CEP112: variants seen among roughly 807,000 people sequenced by gnomAD.
CEP112 encodes centrosomal protein 112, also known as centrosomal protein of 112 kDa.
Under a neutral mutation model 153.0 loss-of-function variants are expected in CEP112, and 127 were observed. That is an observed-to-expected ratio of 0.83 (90% CI 0.72 to 0.96). The LOEUF (loss-of-function observed/expected upper bound fraction) is 0.96, where lower values mean the gene tolerates loss of function less well. CEP112 is among the 40% of genes least tolerant of loss of function. The pLI, the probability that CEP112 is intolerant of heterozygous loss-of-function variation, is 0.00. For synonymous variants in CEP112, 358 were observed against 374.4 expected, an observed-to-expected ratio of 0.96 and a Z score of 0.51; for missense variants, 1,089 against 1,101.2, an observed-to-expected ratio of 0.99 and a Z score of 0.16.
At position 65,811,537 on chromosome 17, in the gene CEP112, A is replaced by G. The variant is rs183559581; in HGVS notation, c.2394+40267T>C. 3.9e-5 allele frequency among the ~76,000 whole-genome samples: 6 copies of G among 152,308 alleles called. No homozygotes were observed. In the East Asian group the frequency reaches 1.2e-3, roughly 29 times the overall value. The stretch of plus-strand genomic sequence containing the variant: ...CCTGAACAGGTGGCTGAGGTGGAGA[A>G]CTGATGAGCTCAAGAAACCGAGAGG... On this transcript the variant is annotated intron_variant, in intron 21 of 26. Coordinates refer to ENST00000535342, the MANE Select transcript of CEP112 (RefSeq NM_001199165.4).
intron 9 of CEP112, among the ~76,000 whole-genome samples, chr17:66,067,744 G>A (rs115990871): frequency 0.042 from 6,364 of 152,198 alleles, 168 homozygotes; most frequent in South Asian, 0.065. Context: ...TTTAAGGACA[G>A]TATAAATAAT....
chr17:65,827,884 T>C (rs375008108), intron 21 of CEP112, among the ~76,000 whole-genome samples: 13 of 152,342 alleles, frequency 8.5e-5, no homozygotes, highest in African/African-American at 2.4e-4. Context: ...CAAATTTGTT[T>C]GAATGTTACC....
chr17:65,716,427 C>T (rs935131365), intron 23 of CEP112, among the ~76,000 whole-genome samples: 2 of 152,066 alleles, frequency 1.3e-5, no homozygotes, highest in African/African-American at 4.8e-5. Context: ...TCCCAAAGTG[C>T]TAGGATTACA....
At chr17:66,000,430 G>A (rs1403760532) in intron 17 of CEP112, among the ~76,000 whole-genome samples, 2 of 151,006 alleles carry the variant, frequency 1.3e-5, no homozygotes, top group African/African-American at 2.4e-5. Flanking sequence ...ATGTCTGGGC[G>A]GGGTGAGGCA....
Position 65,730,150 on chromosome 17 carries a change from T to C in CEP112, c.2607+12918A>G, listed in dbSNP as rs144725327. ...TTCCAGGGGCTAAAAATATCTCTCA[T>C]AGCACTTGAAGGATTTTGTCCACTG... On this transcript the variant is annotated intron_variant, in intron 23 of 26. Coordinates refer to ENST00000535342, the MANE Select transcript of CEP112 (RefSeq NM_001199165.4). Among the ~76,000 whole-genome samples the C allele has an allele frequency of 6.4e-3, 975 of 152,312 alleles. 5 individuals carry two copies. The highest frequency in any genetic ancestry group is 0.01 in the Non-Finnish European group (695 of 68,012).
At chr17:66,076,667 G>A (rs1336588751) in intron 8 of CEP112, among the ~76,000 whole-genome samples, 1 of 152,052 alleles carries the variant, frequency 6.6e-6, no homozygotes, top group Non-Finnish European at 1.5e-5. Flanking sequence ...GGAGTTCTAG[G>A]GCCACGTCCA....
chr17:66,174,646 ATTTAAG>A (rs140309059), intron 4 of CEP112, among the ~76,000 whole-genome samples: 12,992 of 152,168 alleles, frequency 0.085, 729 homozygotes, highest in Non-Finnish European at 0.13. Flanking sequence ...AAAAAAACCT[ATTTAAG>A]TTTAATACTC....
chr17:65,984,434 C>T (rs867048658), intron 17 of CEP112, among the ~76,000 whole-genome samples: 40 of 152,140 alleles, frequency 2.6e-4, no homozygotes, highest in African/African-American at 6.0e-4. Context: ...ATTTTCGAAA[C>T]GTTGCACAGG....
chr17:65,837,401 G>A (rs554798163), intron 21 of CEP112, among the ~76,000 whole-genome samples: 34 of 151,668 alleles, frequency 2.2e-4, no homozygotes, highest in Non-Finnish European at 3.5e-4. Flanking sequence ...TGTGGGGAGC[G>A]CCTCTGCCCC....
At position 65,689,173 on chromosome 17, in the gene CEP112, C is replaced by A. The variant is rs760653006; in HGVS notation, c.2653G>T (p.Ala885Ser). The A allele has an allele frequency of 6.2e-7, 1 of 1,613,740 alleles. No individual in the cohort carries two copies. Among genetic ancestry groups the A allele is most frequent in the Non-Finnish European group, 8.5e-7 (1 of 1,179,662 alleles). Residue 885 changes from alanine (A) to serine (S), a missense_variant, in exon 24 of 27, where the codon GCA becomes TCA. Coordinates refer to ENST00000535342, the MANE Select transcript of CEP112 (RefSeq NM_001199165.4). The part of the protein sequence containing the change: ...LENRSNQVRC[A>S]EKKLQHKELE... ...TCTTTGTGTTGTAATTTTTTCTCTG[C>A]ACATCGCACCTGATTAGAACGGTTT...
intron 21 of CEP112, among the ~76,000 whole-genome samples, chr17:65,792,844 A>T (rs2054670277): frequency 6.6e-6 from 1 of 151,110 alleles, no homozygotes; most frequent in Non-Finnish European, 1.5e-5. Context: ...GTGGGTATTT[A>T]AAAAAAATAT....
intron 6 of CEP112, among the ~76,000 whole-genome samples, chr17:66,119,931 T>C (rs1344591117): frequency 1.3e-5 from 2 of 152,196 alleles, no homozygotes; most frequent in East Asian, 3.9e-4. Flanking sequence ...AATAGGTGTG[T>C]AGTGGTATCT....
chr17:65,718,339 T>G (rs1415633752), intron 23 of CEP112, among the ~76,000 whole-genome samples: 1 of 149,872 alleles, frequency 6.7e-6, no homozygotes, highest in African/African-American at 2.5e-5. Flanking sequence ...ACCTGGGAGG[T>G]GGAGGTTGCA....
Position 66,027,643 on chromosome 17 carries a change from A to G in CEP112, c.1597-83T>C, listed in dbSNP as rs1041149693. ...ATTAGCAACCTAATTAAATCAATCA[A>G]TCTACTTAATGTCAAACTTCAGTTC... is the stretch of plus-strand genomic sequence containing the variant. On this transcript the variant is annotated intron_variant, in intron 15 of 26. Coordinates refer to ENST00000535342, the MANE Select transcript of CEP112 (RefSeq NM_001199165.4). 3.1e-6 allele frequency: 3 copies of G among 968,696 alleles called. No homozygotes were observed. The African/African-American group carries it at 5.2e-5, about 17-fold the overall frequency. 60.0% of individuals were successfully genotyped at this position (968,696 alleles called of 1,614,324 possible). A position where few individuals can be genotyped will look rare whatever the true frequency, so the allele number is the denominator to read the frequency against.
chr17:65,966,924 A>T (rs1306353130), intron 17 of CEP112, among the ~76,000 whole-genome samples: 1 of 152,242 alleles, frequency 6.6e-6, no homozygotes, highest in Non-Finnish European at 1.5e-5. Context: ...CAGATTCAAC[A>T]TAATCAATGC....
At chr17:66,180,466 T>G (rs1482544419) in intron 2 of CEP112, among the ~76,000 whole-genome samples, 3 of 152,278 alleles carry the variant, frequency 2.0e-5, no homozygotes, top group Admixed American at 6.5e-5. Context: ...AAATGCAATC[T>G]CTGATTTATC....
intron 20 of CEP112, among the ~76,000 whole-genome samples, chr17:65,887,492 G>A (rs1016536126): frequency 6.6e-6 from 1 of 152,118 alleles, no homozygotes; most frequent in Non-Finnish European, 1.5e-5. Flanking sequence ...TTTAAGTACT[G>A]TCTCCATCCT....
chr17:66,097,607 C>T (rs1397684652), intron 6 of CEP112, among the ~76,000 whole-genome samples: 1 of 152,186 alleles, frequency 6.6e-6, no homozygotes, highest in African/African-American at 2.4e-5. Context: ...TTATGTAATA[C>T]TTTGAGTGTT....
intron 18 of CEP112, among the ~76,000 whole-genome samples, chr17:65,953,810 C>T (rs1389538599): frequency 6.6e-6 from 1 of 152,190 alleles, no homozygotes; most frequent in Non-Finnish European, 1.5e-5. Context: ...CAGCCCCACA[C>T]AAGGAGAGGC....
Sources: allele counts gnomAD v4.1 joint callset (sites outside exome capture counted in the v4.1 genomes callset), GRCh38; gene constraint gnomAD v4.1.1; transcripts MANE v1.5; gene names NCBI Gene and HGNC (gene_info 2026-07-23, HGNC 2026-07-21).